Variants in PTCD3 observed in about 807,000 individuals in gnomAD.
The protein encoded by PTCD3 is small ribosomal subunit protein mS39.
A neutral mutation model predicts 101.9 loss-of-function variants in PTCD3; 89 were observed. That is an observed-to-expected ratio of 0.87 (90% CI 0.74 to 1.04). PTCD3 has a LOEUF of 1.04. Ranked by LOEUF, PTCD3 falls within the 50% of genes least tolerant of loss-of-function variation. The probability of loss-of-function intolerance (pLI) is 0.00; values close to 1 mark genes in which losing one functional copy is unlikely to be tolerated. For missense variants in PTCD3, 870 were observed against 828.2 expected (o/e 1.05, Z -0.62); for synonymous variants, 296 against 278.5 (o/e 1.06, Z -0.63).
At chr2:86,121,991 G>T (rs1052497557) in intron 8 of PTCD3, among the ~76,000 whole-genome samples, 2 of 152,188 alleles carry the variant, frequency 1.3e-5, no homozygotes, top group Admixed American at 6.5e-5. Flanking sequence ...ACAGTAGTGT[G>T]CCGGGGCCCG....
chr2:86,119,026 G>C lies in PTCD3; in HGVS notation c.520G>C (p.Asp174His). 1 of 1,613,790 alleles carries C rather than the reference G, an allele frequency of 6.2e-7. No homozygotes were observed. Among genetic ancestry groups the C allele is most frequent in the Non-Finnish European group, 8.5e-7 (1 of 1,179,962 alleles). The change falls in exon 7 of 24, where the codon GAT becomes CAT. Residue 174 changes from aspartate (D) to histidine (H), a missense_variant. Coordinates refer to ENST00000254630, the MANE Select transcript of PTCD3 (RefSeq NM_017952.6). ...AGTCAAAGCCTCTGTGGACATGTTT[G>C]ATCAGCTTTTGCAAGCAGGTGACTG... is the stretch of plus-strand genomic sequence containing the variant. ...RKVKASVDMF[D>H]QLLQAGTTVS...
intron 14 of PTCD3, among the ~76,000 whole-genome samples, chr2:86,129,206 G>A (rs142244399): frequency 2.0e-5 from 3 of 152,284 alleles, no homozygotes; most frequent in African/African-American, 7.2e-5. Context: ...TAGTATTTCT[G>A]ACTCCAAAGT....
In PTCD3 at chr2:86,125,531, C is replaced by T; in HGVS notation, c.865+16C>T. ...AGACTCCATGGTGAGTTTGAGAACT[C>T]CCCTCTGTCCCTTTCTCCATTTCCT... On this transcript the variant is annotated intron_variant, in intron 11 of 23. Transcript: ENST00000254630. 6 of 1,585,910 alleles carry T rather than the reference C, an allele frequency of 3.8e-6. No individual in the cohort carries two copies. Among genetic ancestry groups the T allele is most frequent in the Non-Finnish European group, 5.2e-6 (6 of 1,154,410 alleles).
intron 23 of PTCD3, 151 bp from the exon 24 acceptor site, chr2:86,137,318 A>C: frequency 1.5e-6 from 2 of 1,319,152 alleles, no homozygotes; most frequent in Non-Finnish European, 2.0e-6. Context: ...TGACTGTTAG[A>C]AGCTTTTTGT....
intron 3 of PTCD3, chr2:86,108,810 A>G: frequency 2.9e-6 from 1 of 345,318 alleles, no homozygotes; most frequent in South Asian, 1.2e-4. Context: ...ATACATGGTT[A>G]TACATGAACA....
intron 17 of PTCD3, chr2:86,132,923 A>G: frequency 2.1e-6 from 1 of 480,436 alleles, no homozygotes; most frequent in Non-Finnish European, 3.6e-6. Flanking sequence ...TGAATTTGAA[A>G]TTCAGTATCT....
chr2:86,110,553 G>C lies in PTCD3; in HGVS notation c.195-560G>C, dbSNP rs1674058987. 3.9e-5 allele frequency among the ~76,000 whole-genome samples: 6 copies of C among 152,178 alleles called. No individual in the cohort carries two copies. The South Asian group carries it at 1.2e-3, about 32-fold the overall frequency. Reference sequence around the variant, plus strand: ...GTTCAGTAAAGGTCTCTACTCAGAGGTGCAGTGGACAGCTGGCCTGCAATT... The same window carrying C: ...GTTCAGTAAAGGTCTCTACTCAGAGCTGCAGTGGACAGCTGGCCTGCAATT... On this transcript the variant is annotated intron_variant, in intron 3 of 23. Transcript: ENST00000254630.
At chr2:86,115,246 T>C (rs1401003967) in intron 4 of PTCD3, among the ~76,000 whole-genome samples, 1 of 152,176 alleles carries the variant, frequency 6.6e-6, no homozygotes, top group Non-Finnish European at 1.5e-5. Flanking sequence ...TTCTGCAAAA[T>C]ATCAAAATTT....
chr2:86,109,414 A>AG (rs1391968245), intron 3 of PTCD3, among the ~76,000 whole-genome samples: 1 of 151,842 alleles, frequency 6.6e-6, no homozygotes. Flanking sequence ...CTCAAAAAAA[A>AG]AAAAAGACTT....
chr2:86,119,695 AAC>A (rs1387973821), intron 7 of PTCD3: 1 of 152,280 alleles, frequency 6.6e-6, no homozygotes, highest in Non-Finnish European at 1.5e-5. Flanking sequence ...ATTGGGCCAC[AAC>A]ACACAAGAAA....
intron 15 of PTCD3, 28 bp downstream of exon 15, chr2:86,130,765 C>G: frequency 6.2e-7 from 1 of 1,610,534 alleles, no homozygotes. Context: ...TTGTGTTTTC[C>G]TCCTCTAAAG....
intron 4 of PTCD3, among the ~76,000 whole-genome samples, chr2:86,112,431 A>T (rs543850344): frequency 6.7e-6 from 1 of 149,266 alleles, no homozygotes; most frequent in East Asian, 2.0e-4. Context: ...CACTAATCCC[A>T]TCACTTTGGG....
At chr2:86,108,683 T>A in intron 3 of PTCD3, 147 bp downstream of exon 3, 2 of 734,286 alleles carry the variant, frequency 2.7e-6, no homozygotes, top group Non-Finnish European at 4.3e-6. Context: ...GCTAGGAGTT[T>A]AAAGGACAAA....
chr2:86,124,151 C>G (rs1389089738), intron 9 of PTCD3, among the ~76,000 whole-genome samples: 2 of 152,126 alleles, frequency 1.3e-5, no homozygotes, highest in Non-Finnish European at 2.9e-5. Context: ...AAATTAAGAC[C>G]ACTGACAACA....
intron 7 of PTCD3, among the ~76,000 whole-genome samples, chr2:86,119,876 G>A (rs1375416902): frequency 1.3e-5 from 2 of 152,198 alleles, no homozygotes; most frequent in Non-Finnish European, 2.9e-5. Flanking sequence ...AACTTGCGGA[G>A]CTACACACGT....
chr2:86,106,456 C>T, intron 1 of PTCD3, 105 bp downstream of exon 1: 3 of 1,221,340 alleles, frequency 2.5e-6, no homozygotes, highest in East Asian at 2.4e-5. Flanking sequence ...TTTGCTCATG[C>T]GCGCCCTTAA....
In PTCD3 at chr2:86,124,907, C is replaced by T. The variant is rs1051977769; in HGVS notation, c.717-88C>T. On this transcript the variant is annotated intron_variant, in intron 9 of 23. Coordinates refer to ENST00000254630, the MANE Select transcript of PTCD3 (RefSeq NM_017952.6). ...GTATAGAAAGTACTTGGCACATTGC[C>T]TAGAACATAATAAACCGTCAGTAAA... The T allele has an allele frequency of 3.9e-6, 6 of 1,529,950 alleles. No individual in the cohort carries two copies. In the African/African-American group the frequency reaches 8.3e-5, roughly 21 times the overall value. 94.8% of individuals were successfully genotyped at this position (1,529,950 alleles called of 1,614,324 possible).
chr2:86,125,690 C>T (rs1674370277), intron 11 of PTCD3, 105 bp from the exon 12 acceptor site: 5 of 1,057,152 alleles, frequency 4.7e-6, no homozygotes, highest in Admixed American at 2.3e-5. Flanking sequence ...GTTTTGTGGA[C>T]ATGTGATTAG....
Position 86,133,201 on chromosome 2 carries a change from G to T in PTCD3, c.1397G>T (p.Cys466Phe). The T allele has an allele frequency of 6.2e-7, 1 of 1,613,972 alleles. No homozygotes were observed. The highest frequency in any genetic ancestry group is 8.5e-7 in the Non-Finnish European group (1 of 1,179,956). ...AGTTCCAAGTTCTTCGATTTGATTT[G>T]TCTAATGGAACAAATTGATGTTACC... Reference protein sequence around the residue: ...FYYSKFFDLICLMEQIDVTLK... With the variant: ...FYYSKFFDLIFLMEQIDVTLK... The change falls in exon 18 of 24, where the codon TGT (cysteine) becomes TTT (phenylalanine). Residue 466 changes from cysteine (C) to phenylalanine (F), a missense_variant. Coordinates refer to ENST00000254630, the MANE Select transcript of PTCD3 (RefSeq NM_017952.6).
Sources: gnomAD v4.1 joint callset for allele counts (sites outside exome capture counted in the v4.1 genomes callset) on GRCh38, gnomAD v4.1.1 for gene constraint, MANE v1.5 for transcripts, NCBI Gene and HGNC (gene_info 2026-07-23, HGNC 2026-07-21) for gene names.